The following HEXD variants were observed in gnomAD, a reference collection of about 807,000 sequenced individuals.
HEXD encodes hexosaminidase D.
In HEXD, 47 loss-of-function variants were observed where a neutral mutation model predicts 54.2. The ratio of observed to expected loss-of-function variants is 0.87; its 90% CI spans 0.69 to 1.11. HEXD has a LOEUF of 1.11. Ranked by LOEUF, HEXD falls within the 50% of genes least tolerant of loss-of-function variation. The probability of loss-of-function intolerance (pLI) is 0.00; values close to 1 mark genes in which losing one functional copy is unlikely to be tolerated. For missense variants in HEXD, 576 were observed against 649.2 expected (o/e 0.89, Z 1.23); for synonymous variants, 293 against 287.6 (o/e 1.02, Z -0.19).
chr17:82,437,175 C>T lies in HEXD; in HGVS notation c.711C>T (p.Leu237=). The T allele has an allele frequency of 6.3e-7, 1 of 1,585,780 alleles. No homozygotes were observed. Among genetic ancestry groups the T allele is most frequent in the Non-Finnish European group, 8.6e-7 (1 of 1,162,202 alleles). ...GTTTGCTTTCTCACCCAGTCCTCCT[C>T]ATGCAGAAGTACCGGCGGTGCGGCT... ...ADLDVHGKVL[L]MQKYRRCGFP... is the part of the protein sequence containing the mutation. Residue 237 remains leucine, a synonymous_variant, in exon 8 of 13, where the codon CTC becomes CTT. Coordinates refer to ENST00000327949, the MANE Select transcript of HEXD (RefSeq NM_001330542.2).
chr17:82,433,128 A>ATATATATATATTTT (rs71168109), intron 4 of HEXD, among the ~76,000 whole-genome samples: 1 of 13,074 alleles, frequency 7.6e-5, no homozygotes, highest in Non-Finnish European at 1.2e-4. Flanking sequence ...ATATATATAT[A>ATATATATATATTTT]TTTTTTTTTT....
In HEXD at chr17:82,434,576, G is replaced by A. The variant is rs547225525; in HGVS notation, c.447+754G>A. On this transcript the variant is annotated intron_variant, in intron 5 of 12. Coordinates refer to ENST00000327949, the MANE Select transcript of HEXD (RefSeq NM_001330542.2). This position sits in a 1 kb window ranked among gnomAD's most constrained non-coding sequence, Gnocchi z 4.5. ...ATATAGGCTGGGTGTGGTGGCTCAC[G>A]CCTGTAATCCCAGCACTTTGGGAGA... Among the ~76,000 whole-genome samples, 8 of 152,098 alleles carry A rather than the reference G, an allele frequency of 5.3e-5. No homozygotes were observed. The highest frequency in any genetic ancestry group is 2.1e-4 in the South Asian group (1 of 4,824).
chr17:82,418,350 C>T lies in HEXD; in HGVS notation c.-442C>T. On this transcript the variant is annotated 5_prime_UTR_variant, in exon 1 of 13. Transcript: ENST00000327949. ...CAGGCCCCGCCCCATCAGCCCCAGTCCCGCCCACTCCATGGCCCTGTCCGC... is the reference window on the plus strand; with the variant it reads ...CAGGCCCCGCCCCATCAGCCCCAGTTCCGCCCACTCCATGGCCCTGTCCGC... 9.4e-7 allele frequency: 1 copy of T among 1,061,398 alleles called. No individual in the cohort carries two copies. The allele number at this position is 1,061,398 out of a possible 1,614,324, so 65.7% of individuals were successfully genotyped here. A position where few individuals can be genotyped will look rare whatever the true frequency, so the allele number is the denominator to read the frequency against.
chr17:82,437,881 G>T (rs561592793), intron 8 of HEXD, among the ~76,000 whole-genome samples: 29 of 152,144 alleles, frequency 1.9e-4, no homozygotes, highest in Non-Finnish European at 3.8e-4. Flanking sequence ...TCATATCAGG[G>T]TCTTGTCTAC....
intron 11 of HEXD, 112 bp from the exon 12 acceptor site, chr17:82,441,688 C>A: frequency 1.2e-6 from 1 of 852,154 alleles, no homozygotes; most frequent in Non-Finnish European, 2.0e-6. Flanking sequence ...TTCTGGGGGA[C>A]ATAAGACTTA....
intron 11 of HEXD, among the ~76,000 whole-genome samples, 198 bp downstream of exon 11, chr17:82,441,464 C>T (rs1309180531): frequency 7.7e-6 from 1 of 130,278 alleles, no homozygotes; most frequent in Non-Finnish European, 1.6e-5. Flanking sequence ...TGTGAGCGTG[C>T]AGGTGTGGGT....
chr17:82,437,452 C>T (rs2053803198), intron 8 of HEXD, 89 bp downstream of exon 8: 1 of 1,209,616 alleles, frequency 8.3e-7, no homozygotes, highest in South Asian at 1.7e-5. Flanking sequence ...AAGGGCCTTC[C>T]CAGGTTGGTC....
Position 82,441,383 on chromosome 17 carries a change from C to T in HEXD, c.1163+117C>T, listed in dbSNP as rs1471721081. 206 of 866,312 alleles carry T rather than the reference C, an allele frequency of 2.4e-4. 1 individual carries two copies. Among genetic ancestry groups the T allele is most frequent in the Non-Finnish European group, 2.9e-4 (188 of 641,232 alleles). 53.7% of individuals were successfully genotyped at this position (866,312 alleles called of 1,614,324 possible). ...CGGGTGAGGGGCAGGTGCAGGTGAG[C>T]GGGCAGGCATGGGGCAGGTGCGGGT... On this transcript the variant is annotated intron_variant, in intron 11 of 12. Transcript: ENST00000327949.
chr17:82,440,997 G>A lies in HEXD; in HGVS notation c.983G>A (p.Gly328Glu). ...CCGCCCCGCTCATTTGTGATTTCAG[G>A]AGGATTTGATGAAGATGTTAAAGCG... ...LAACLQLLLRGGFDEDVKAKV... is the reference protein window; with the variant it reads ...LAACLQLLLREGFDEDVKAKV... Residue 328 changes from glycine (G) to glutamate (E), a missense_variant and splice_region_variant, in exon 10 of 13, where the codon GGA (glycine) becomes GAA (glutamate). Transcript: ENST00000327949. 1 of 1,613,512 alleles carries A rather than the reference G, an allele frequency of 6.2e-7. No homozygotes were observed. The highest frequency in any genetic ancestry group is 8.5e-7 in the Non-Finnish European group (1 of 1,180,016).
intron 6 of HEXD, 94 bp downstream of exon 6, chr17:82,435,966 G>C: frequency 7.6e-7 from 1 of 1,309,464 alleles, no homozygotes; most frequent in South Asian, 1.4e-5. Context: ...GTGGGCCCCA[G>C]GGTGAGCCCC....
Position 82,442,597 on chromosome 17 carries a change from C to T in HEXD, c.*213C>T, listed in dbSNP as rs1567901963. 1 of 1,562,256 alleles carries T rather than the reference C, an allele frequency of 6.4e-7. No individual in the cohort carries two copies. On this transcript the variant is annotated 3_prime_UTR_variant, in exon 13 of 13. Coordinates refer to ENST00000327949, the MANE Select transcript of HEXD (RefSeq NM_001330542.2). This position sits in a 1 kb window ranked among gnomAD's most constrained non-coding sequence, Gnocchi z 6.8. ...ACAGGGAGACCCGCTTTGTGATCTGCATGTGTGACACTGATTCTTTGGAAA... is the reference window on the plus strand; with the variant it reads ...ACAGGGAGACCCGCTTTGTGATCTGTATGTGTGACACTGATTCTTTGGAAA...
At position 82,433,696 on chromosome 17, in the gene HEXD, G is replaced by C. The variant is rs1327222329; in HGVS notation, c.321G>C (p.Glu107Asp). Residue 107 changes from glutamate to aspartate, a missense_variant, in exon 5 of 13, where the codon GAG becomes GAC. Glu to Asp is a conservative substitution (Grantham distance 45). Coordinates refer to ENST00000327949, the MANE Select transcript of HEXD (RefSeq NM_001330542.2). ...LKHTAFAHLREVGSFPCTLNP... is the reference protein window; with the variant it reads ...LKHTAFAHLRDVGSFPCTLNP... ...ACACGGCCTTCGCCCACCTGCGGGA[G>C]GTGGGCTCCTTCCCCTGCACCCTGA... The C allele has an allele frequency of 6.2e-7, 1 of 1,610,536 alleles. No homozygotes were observed. Among genetic ancestry groups the C allele is most frequent in the East Asian group, 2.2e-5 (1 of 44,470 alleles).
chr17:82,433,550 C>T (rs1567891019), intron 4 of HEXD, 108 bp from the exon 5 acceptor site: 15 of 1,163,270 alleles, frequency 1.3e-5, no homozygotes, highest in Non-Finnish European at 1.1e-5. Context: ...TCTGCCTGGC[C>T]TAATTTTTTT....
Position 82,439,644 on chromosome 17 carries a change from T to C in HEXD, c.913T>C (p.Ser305Pro), listed in dbSNP as rs1482884925. The change falls in exon 9 of 13, where the codon TCT becomes CCT. Residue 305 changes from serine (S) to proline (P), a missense_variant. Coordinates refer to ENST00000327949, the MANE Select transcript of HEXD (RefSeq NM_001330542.2). ...LTGWQRYDHYSVLCELLPAGV... is the reference protein window; with the variant it reads ...LTGWQRYDHYPVLCELLPAGV... ...TCATGGACCCAGGTACGACCACTAC[T>C]CTGTGCTGTGCGAGCTGCTGCCCGC... 6.3e-7 allele frequency: 1 copy of C among 1,583,412 alleles called. No homozygotes were observed. The highest frequency in any genetic ancestry group is 1.3e-5 in the African/African-American group (1 of 74,652).
chr17:82,420,379 A>G (rs1203341562), intron 2 of HEXD: 1 of 152,456 alleles, frequency 6.6e-6, no homozygotes, highest in African/African-American at 2.4e-5. Flanking sequence ...CCAGCAGCCA[A>G]GATGGTCATG....
intron 6 of HEXD, 112 bp downstream of exon 6, chr17:82,435,984 C>A: frequency 9.7e-7 from 1 of 1,028,106 alleles, no homozygotes; most frequent in Non-Finnish European, 1.4e-6. Flanking sequence ...CCCAGCCCCG[C>A]ACAGACCCGC....
chr17:82,433,044 C>T lies in HEXD; in HGVS notation c.283-614C>T, dbSNP rs769115836. On this transcript the variant is annotated intron_variant, in intron 4 of 12. Transcript: ENST00000327949. ...TCATGCCACTGCACTCCAGACTGGG[C>T]GGCAGAGCAAGACTCCATCTCAAAA... 2.8e-3 allele frequency among the ~76,000 whole-genome samples: 309 copies of T among 110,710 alleles called. 2 individuals carry two copies. Among genetic ancestry groups the T allele is most frequent in the Middle Eastern group, 0.014 (2 of 146 alleles). 72.6% of individuals were successfully genotyped at this position (110,710 alleles called of 152,430 possible).
rs575805845 is a variant in HEXD at position 82,431,163 on chromosome 17, C to T, written c.283-2495C>T. On this transcript the variant is annotated intron_variant, in intron 4 of 12. Transcript: ENST00000327949. The stretch of plus-strand genomic sequence containing the variant: ...GACCACAGGTGCGTGCCACCATACC[C>T]GGCCAGTTTTTTTTATTATTTGCAG... Among the ~76,000 whole-genome samples, 33 of 111,668 alleles carry T rather than the reference C, an allele frequency of 3.0e-4. 1 individual carries two copies. The highest frequency in any genetic ancestry group is 1.3e-3 in the South Asian group (5 of 3,870). The allele number at this position is 111,668 out of a possible 152,430, so 73.3% of individuals were successfully genotyped here.
chr17:82,436,880 G>C (rs2053784633), intron 7 of HEXD, 142 bp downstream of exon 7: 1 of 736,824 alleles, frequency 1.4e-6, no homozygotes, highest in Admixed American at 2.8e-5. Context: ...GCAGACCCCA[G>C]CCCATGGTGC....
Sources: allele counts gnomAD v4.1 joint callset (sites outside exome capture counted in the v4.1 genomes callset), GRCh38; gene constraint gnomAD v4.1.1; non-coding constraint Gnocchi (gnomAD v3.1); transcripts MANE v1.5; gene names NCBI Gene and HGNC (gene_info 2026-07-23, HGNC 2026-07-21).